The following AMD1 variants were observed in gnomAD, a reference collection of about 807,000 sequenced individuals.
AMD1 encodes adenosylmethionine decarboxylase 1, also known as S-adenosylmethionine decarboxylase proenzyme.
AMD1 carries 11 observed loss-of-function variants against 40.2 expected under a neutral mutation model. That is an observed-to-expected ratio of 0.27 (90% CI 0.17 to 0.45). The LOEUF is 0.45. Among genes scored for constraint, AMD1 ranks in the 20% least tolerant of loss-of-function variants. The pLI is 1.00. For missense variants in AMD1, 257 were observed against 410.2 expected, an observed-to-expected ratio of 0.63 and a Z score of 3.23; for synonymous variants, 121 against 130.8, an observed-to-expected ratio of 0.93 and a Z score of 0.51.
At chr6:110,875,567 G>T in intron 1 of AMD1, 1 of 185,612 alleles carries the variant, frequency 5.4e-6, no homozygotes, top group Non-Finnish European at 1.1e-5. Context: ...CGTAGTAGTT[G>T]GCGGCAGGGG....
At chr6:110,880,400 G>T (rs766461116) in intron 1 of AMD1, among the ~76,000 whole-genome samples, 13 of 152,090 alleles carry the variant, frequency 8.5e-5, no homozygotes, top group African/African-American at 2.2e-4. Flanking sequence ...GTCTGTTTTT[G>T]ATTTTATTGT....
chr6:110,830,086 C>T, the AMD1 span, among the ~76,000 whole-genome samples: 2 of 151,996 alleles, frequency 1.3e-5, no homozygotes. Context: ...GCGATCTCGG[C>T]TCACTGCAAC....
intron 1 of AMD1, among the ~76,000 whole-genome samples, 174 bp downstream of exon 1, chr6:110,875,389 C>T (rs1785039570): frequency 6.6e-6 from 1 of 152,136 alleles, no homozygotes. Flanking sequence ...GCGGCCATGT[C>T]CACGCGGGCC....
the AMD1 span, among the ~76,000 whole-genome samples, chr6:110,827,005 T>C: frequency 1.3e-5 from 2 of 152,034 alleles, no homozygotes; most frequent in African/African-American, 4.8e-5. Flanking sequence ...ACTTCCCTCT[T>C]CTCATTCCAC....
the AMD1 span, among the ~76,000 whole-genome samples, chr6:110,850,716 A>G: frequency 6.6e-6 from 1 of 152,184 alleles, no homozygotes; most frequent in Non-Finnish European, 1.5e-5. Flanking sequence ...TTACCAATAC[A>G]AGGCTTTGAC....
chr6:110,885,816 G>A (rs551473431), intron 1 of AMD1, among the ~76,000 whole-genome samples: 1 of 152,326 alleles, frequency 6.6e-6, no homozygotes, highest in South Asian at 2.1e-4. Flanking sequence ...GTACGCAGAT[G>A]GGTCAGTAAC....
chr6:110,894,338 T>A lies in AMD1; in HGVS notation c.*722T>A, dbSNP rs878983501. On this transcript the variant is annotated 3_prime_UTR_variant, in exon 9 of 9. Transcript: ENST00000368885. The stretch of plus-strand genomic sequence containing the variant: ...TAACACTGTGGGTTTATATACTAAT[T>A]CTATACCCCAGATGGGGAATGGGGG... The A allele has an allele frequency of 8.5e-5, 13 of 152,778 alleles. No homozygotes were observed. The highest frequency in any genetic ancestry group is 2.9e-4 in the African/African-American group (12 of 41,574). The allele number at this position is 152,778 out of a possible 1,614,324, so 9.5% of individuals were successfully genotyped here.
chr6:110,895,050 A>G lies in AMD1; in HGVS notation c.*1434A>G, dbSNP rs759709419. The G allele has an allele frequency of 1.3e-5, 2 of 152,234 alleles. No homozygotes were observed. Among genetic ancestry groups the G allele is most frequent in the Non-Finnish European group, 2.9e-5 (2 of 68,034 alleles). 9.4% of individuals were successfully genotyped at this position (152,234 alleles called of 1,614,324 possible). A position where few individuals can be genotyped will look rare whatever the true frequency, so the allele number is the denominator to read the frequency against. Reference sequence around the variant, plus strand: ...GTTGGTACCTTTTAGCTATATTTGCAGATTCTCTGGGATTTTAAGGAACTG... The same window carrying G: ...GTTGGTACCTTTTAGCTATATTTGCGGATTCTCTGGGATTTTAAGGAACTG... On this transcript the variant is annotated 3_prime_UTR_variant, in exon 9 of 9. Coordinates refer to ENST00000368885, the MANE Select transcript of AMD1 (RefSeq NM_001634.6).
chr6:110,890,606 C>T (rs1195214341), intron 4 of AMD1, among the ~76,000 whole-genome samples: 1 of 152,142 alleles, frequency 6.6e-6, no homozygotes, highest in Non-Finnish European at 1.5e-5. Flanking sequence ...CCACCTTAGC[C>T]TCCCAAGTAG....
chr6:110,827,209 A>G, the AMD1 span, among the ~76,000 whole-genome samples: 1 of 152,090 alleles, frequency 6.6e-6, no homozygotes, highest in South Asian at 2.1e-4. Context: ...ATGAGGGGCC[A>G]TCCTGAAAAA....
the AMD1 span, chr6:110,815,835 C>T: frequency 2.0e-5 from 3 of 152,502 alleles, no homozygotes; most frequent in Non-Finnish European, 4.4e-5. Flanking sequence ...TGCAGTGACT[C>T]GGGAGGCGAG....
the AMD1 span, among the ~76,000 whole-genome samples, chr6:110,816,911 T>A: frequency 6.6e-6 from 1 of 152,180 alleles, no homozygotes. Flanking sequence ...GAGGTCAGGA[T>A]GTAATATAAG....
the AMD1 span, among the ~76,000 whole-genome samples, chr6:110,833,008 A>G: frequency 6.6e-6 from 1 of 152,086 alleles, no homozygotes; most frequent in Admixed American, 6.6e-5. Flanking sequence ...TTCAGTAGAG[A>G]TGGGGTTTCG....
intron 1 of AMD1, among the ~76,000 whole-genome samples, chr6:110,885,364 C>T (rs1051154304): frequency 6.6e-6 from 1 of 152,160 alleles, no homozygotes; most frequent in Non-Finnish European, 1.5e-5. Context: ...CCATGCGCCT[C>T]GGCTGCCCAA....
At chr6:110,834,542 A>C in the AMD1 span, among the ~76,000 whole-genome samples, 1 of 152,004 alleles carries the variant, frequency 6.6e-6, no homozygotes, top group Admixed American at 6.6e-5. Flanking sequence ...TTTAAATCTC[A>C]CTGAGTGTGG....
At chr6:110,831,127 C>T in the AMD1 span, among the ~76,000 whole-genome samples, 10 of 152,048 alleles carry the variant, frequency 6.6e-5, no homozygotes, top group Admixed American at 6.6e-4. Context: ...TTTGAGGACT[C>T]TCATTTTTAT....
At chr6:110,862,946 TTTTG>T in the AMD1 span, among the ~76,000 whole-genome samples, 7,841 of 151,808 alleles carry the variant, frequency 0.052, 264 homozygotes, top group South Asian at 0.1. Flanking sequence ...TTTTGTTTGT[TTTTG>T]TTTGTTTGTT....
chr6:110,837,997 G>T, the AMD1 span, among the ~76,000 whole-genome samples: 5 of 150,316 alleles, frequency 3.3e-5, no homozygotes, highest in African/African-American at 1.2e-4. Flanking sequence ...GGGAGGCAGA[G>T]GTGGCAGTGA....
At position 110,895,367 on chromosome 6, in the gene AMD1, T is replaced by C. The variant is rs369308825; in HGVS notation, c.*1751T>C. 21 of 152,340 alleles carry C rather than the reference T, an allele frequency of 1.4e-4. No individual in the cohort carries two copies. The highest frequency in any genetic ancestry group is 4.3e-4 in the African/African-American group (18 of 41,588). 9.4% of individuals were successfully genotyped at this position (152,340 alleles called of 1,614,324 possible). A position where few individuals can be genotyped will look rare whatever the true frequency, so the allele number is the denominator to read the frequency against. On this transcript the variant is annotated 3_prime_UTR_variant, in exon 9 of 9. Coordinates refer to ENST00000368885, the MANE Select transcript of AMD1 (RefSeq NM_001634.6). ...CACCTAATATTTTGAGGAGCTCTGT[T>C]TTGAGGACCAATGCTTAAGGTGGAC...
Sources: allele counts gnomAD v4.1 joint callset (sites outside exome capture counted in the v4.1 genomes callset), GRCh38; gene constraint gnomAD v4.1.1; transcripts MANE v1.5; gene names NCBI Gene and HGNC (gene_info 2026-07-23, HGNC 2026-07-21).